Variants in GALNT13 observed in about 807,000 individuals in gnomAD.
GALNT13 encodes UDP-GalNAc:polypeptide N-acetylgalactosaminyltransferase 13.
Under a neutral mutation model 64.2 loss-of-function variants are expected in GALNT13, and 28 were observed. That is an observed-to-expected ratio of 0.44 (90% CI 0.32 to 0.60). The LOEUF (loss-of-function observed/expected upper bound fraction) is 0.60, where lower values mean the gene tolerates loss of function less well. Ranked by LOEUF, GALNT13 falls within the 20% of genes least tolerant of loss-of-function variation. The pLI, the probability that GALNT13 is intolerant of heterozygous loss-of-function variation, is 0.05. For synonymous variants in GALNT13, 214 were observed against 224.6 expected (o/e 0.95, Z 0.42); for missense variants, 577 against 669.8 (o/e 0.86, Z 1.53).
chr2:154,192,010 A>G (rs1310465392), intron 4 of GALNT13, among the ~76,000 whole-genome samples: 1 of 152,150 alleles, frequency 6.6e-6, no homozygotes, highest in Non-Finnish European at 1.5e-5. Context: ...GACTGGAGGT[A>G]GCTCTCAGCA....
chr2:153,829,842 T>C, the GALNT13 span, among the ~76,000 whole-genome samples: 1 of 152,230 alleles, frequency 6.6e-6, no homozygotes, highest in Non-Finnish European at 1.5e-5. Flanking sequence ...TAGAAGCTGA[T>C]ATTTAGAAGA....
intron 2 of GALNT13, among the ~76,000 whole-genome samples, chr2:153,905,497 G>C (rs1688499028): frequency 6.6e-6 from 1 of 151,924 alleles, no homozygotes; most frequent in Non-Finnish European, 1.5e-5. Flanking sequence ...AAAGTTATGT[G>C]AATATAGTCT....
the GALNT13 span, among the ~76,000 whole-genome samples, chr2:153,630,786 TATATATATATATATATATATA>T: frequency 9.6e-5 from 1 of 10,430 alleles, no homozygotes; most frequent in Non-Finnish European, 1.9e-4. Flanking sequence ...TATATATATA[TATATATATATATATATATATA>T]TTTTTTTTTT....
At chr2:154,142,431 C>T (rs1212035493) in intron 4 of GALNT13, among the ~76,000 whole-genome samples, 2 of 151,448 alleles carry the variant, frequency 1.3e-5, no homozygotes, top group East Asian at 1.9e-4. Context: ...TGCCTGTAAT[C>T]CCAGCTACTC....
At chr2:153,331,127 A>G in the GALNT13 span, among the ~76,000 whole-genome samples, 2 of 152,148 alleles carry the variant, frequency 1.3e-5, no homozygotes, top group African/African-American at 4.8e-5. Context: ...TGAAGCCTAC[A>G]TGATCATGTT....
intron 12 of GALNT13, among the ~76,000 whole-genome samples, chr2:154,439,771 T>C (rs1225436652): frequency 6.6e-6 from 1 of 152,146 alleles, no homozygotes; most frequent in Admixed American, 6.6e-5. Flanking sequence ...TTGAAACTGG[T>C]TGTGCAGGGT....
At chr2:153,590,776 G>T in the GALNT13 span, among the ~76,000 whole-genome samples, 2 of 152,046 alleles carry the variant, frequency 1.3e-5, no homozygotes, top group African/African-American at 4.8e-5. Flanking sequence ...ACATCTCTTT[G>T]TGATAAACCC....
intron 3 of GALNT13, among the ~76,000 whole-genome samples, chr2:154,119,122 A>G (rs1029102042): frequency 6.6e-6 from 1 of 152,162 alleles, no homozygotes; most frequent in Non-Finnish European, 1.5e-5. Context: ...AGGTCTAGTG[A>G]TGTTATACTC....
chr2:154,369,073 C>T (rs573882437), intron 9 of GALNT13, among the ~76,000 whole-genome samples: 5 of 151,624 alleles, frequency 3.3e-5, no homozygotes, highest in South Asian at 2.1e-4. Context: ...ATGTAGGTTC[C>T]GTGTCTTGAA....
chr2:153,821,705 C>G, the GALNT13 span, among the ~76,000 whole-genome samples: 1 of 152,082 alleles, frequency 6.6e-6, no homozygotes, highest in Non-Finnish European at 1.5e-5. Flanking sequence ...AGCCCCAGAG[C>G]TAGTAGAAGA....
At chr2:154,276,256 G>A (rs1223599089) in intron 8 of GALNT13, among the ~76,000 whole-genome samples, 1 of 151,092 alleles carries the variant, frequency 6.6e-6, no homozygotes, top group Non-Finnish European at 1.5e-5. Flanking sequence ...GTCTCACTCT[G>A]TTGTACAGGC....
the GALNT13 span, among the ~76,000 whole-genome samples, chr2:153,647,671 G>T: frequency 7.2e-5 from 11 of 152,166 alleles, no homozygotes; most frequent in Admixed American, 1.3e-4. Flanking sequence ...TCCAGTTTCA[G>T]CTTTCTACAT....
intron 3 of GALNT13, among the ~76,000 whole-genome samples, chr2:154,085,241 C>A (rs1233250497): frequency 2.0e-5 from 3 of 151,968 alleles, no homozygotes; most frequent in African/African-American, 7.2e-5. Flanking sequence ...TACTTTCCTG[C>A]TTAAATTTGA....
At chr2:154,176,604 A>G (rs1685670078) in intron 4 of GALNT13, among the ~76,000 whole-genome samples, 1 of 152,104 alleles carries the variant, frequency 6.6e-6, no homozygotes, top group African/African-American at 2.4e-5. Flanking sequence ...CCTGATATCA[A>G]AAGAATAACA....
At chr2:153,097,516 C>T in the GALNT13 span, among the ~76,000 whole-genome samples, 3 of 152,188 alleles carry the variant, frequency 2.0e-5, no homozygotes, top group Non-Finnish European at 4.4e-5. Context: ...TAGATGTATA[C>T]CAGTAATTTT....
At chr2:153,134,880 A>G in the GALNT13 span, among the ~76,000 whole-genome samples, 5 of 152,296 alleles carry the variant, frequency 3.3e-5, no homozygotes, top group East Asian at 5.8e-4. Flanking sequence ...GAAGTGTTGC[A>G]TCATATGCAC....
At chr2:154,317,609 C>T (rs368177338) in intron 9 of GALNT13, among the ~76,000 whole-genome samples, 4 of 152,130 alleles carry the variant, frequency 2.6e-5, no homozygotes, top group Non-Finnish European at 2.9e-5. Context: ...CGACTCAGCA[C>T]GAGAATCTTC....
the GALNT13 span, among the ~76,000 whole-genome samples, chr2:153,649,951 G>C: frequency 3.9e-5 from 6 of 152,248 alleles, no homozygotes; most frequent in Admixed American, 2.6e-4. Context: ...GTTGATTTGG[G>C]GTGCAGAGTC....
chr2:154,129,982 C>T (rs1268607930), intron 3 of GALNT13, among the ~76,000 whole-genome samples: 1 of 152,044 alleles, frequency 6.6e-6, no homozygotes, highest in African/African-American at 2.4e-5. Context: ...TCAAATTTCC[C>T]CTCTAAATTT....
Sources: allele counts gnomAD v4.1 joint callset (sites outside exome capture counted in the v4.1 genomes callset), GRCh38; gene constraint gnomAD v4.1.1; transcripts MANE v1.5; gene names NCBI Gene and HGNC (gene_info 2026-07-23, HGNC 2026-07-21).